Variants in GPI observed in about 807,000 individuals in gnomAD.
GPI encodes D-hexose-6-phosphate anomerase.
GPI carries 56 observed loss-of-function variants against 75.8 expected under a neutral mutation model. The observed-to-expected ratio is 0.74, with a 90% CI of 0.60 to 0.92. The LOEUF is 0.92. Ranked by LOEUF, GPI falls within the 40% of genes least tolerant of loss-of-function variation. GPI has a pLI of 0.00. For synonymous variants in GPI, 288 were observed against 285.4 expected (o/e 1.01, Z -0.09); for missense variants, 638 against 741.0 (o/e 0.86, Z 1.61).
At chr19:34,392,838 AGG>A (rs2074884043) in intron 9 of GPI, 1 of 216,516 alleles carries the variant, frequency 4.6e-6, no homozygotes, top group African/African-American at 6.4e-5. Flanking sequence ...TCCGTGTCTG[AGG>A]AGGTGGGCCC....
At chr19:34,389,147 A>G (rs2074784549) in intron 9 of GPI, among the ~76,000 whole-genome samples, 1 of 152,106 alleles carries the variant, frequency 6.6e-6, no homozygotes, top group African/African-American at 2.4e-5. Context: ...GTGAGAGCCT[A>G]TGTCAAGCAT....
chr19:34,393,181 T>C lies in GPI; in HGVS notation c.805-67T>C. ...CCCCTGTGCAAGACCAGGGACAGGG[T>C]TTCCGGCAGGAGGTGGGGGGCGGGG... On this transcript the variant is annotated intron_variant, in intron 9 of 17. Transcript: ENST00000356487. The surrounding 1 kb of genome is among the most constrained non-coding windows in gnomAD (Gnocchi z 4.4). 7.9e-7 allele frequency: 1 copy of C among 1,270,262 alleles called. No individual in the cohort carries two copies. Among genetic ancestry groups the C allele is most frequent in the Non-Finnish European group, 1.2e-6 (1 of 867,220 alleles). 78.7% of individuals were successfully genotyped at this position (1,270,262 alleles called of 1,614,324 possible). A position where few individuals can be genotyped will look rare whatever the true frequency, so the allele number is the denominator to read the frequency against.
chr19:34,391,038 A>C (rs1011902353), intron 9 of GPI, among the ~76,000 whole-genome samples: 3 of 149,932 alleles, frequency 2.0e-5, no homozygotes, highest in African/African-American at 7.4e-5. Context: ...TCCATGTCTG[A>C]GGAGGTAGCA....
chr19:34,392,839 G>A (rs573759263), intron 9 of GPI: 13,303 of 265,646 alleles, frequency 0.05, 450 homozygotes, highest in Admixed American at 0.16. Context: ...CCGTGTCTGA[G>A]GAGGTGGGCC....
intron 9 of GPI, among the ~76,000 whole-genome samples, chr19:34,384,223 CCAGA>C (rs900626640): frequency 6.1e-4 from 93 of 152,148 alleles, no homozygotes; most frequent in African/African-American, 2.2e-3. Context: ...TGGGAAGAGA[CCAGA>C]CAAAGGGATG....
intron 5 of GPI, 62 bp downstream of exon 5, chr19:34,377,648 C>G (rs1281154725): frequency 1.3e-6 from 2 of 1,585,784 alleles, no homozygotes; most frequent in Non-Finnish European, 1.7e-6. Context: ...CCACTCAGGT[C>G]TTTACTTTCT....
chr19:34,381,594 G>A, intron 9 of GPI, 75 bp downstream of exon 9: 2 of 985,274 alleles, frequency 2.0e-6, no homozygotes, highest in Non-Finnish European at 3.3e-6. Flanking sequence ...GGCCCATGAG[G>A]TCAGGTCAGT....
At position 34,393,971 on chromosome 19, in the gene GPI, C is replaced by A. The variant is rs2074907166; in HGVS notation, c.967C>A (p.Leu323Met). 1 of 1,613,504 alleles carries A rather than the reference C, an allele frequency of 6.2e-7. No homozygotes were observed. The highest frequency in any genetic ancestry group is 2.2e-5 in the East Asian group (1 of 44,874). ...EKNAPVLLAL[L>M]GIWYINCFGC... ...GAACGCCCCCGTCTTGCTGGCCCTG[C>A]TGGGTATCTGGTACATCAACTGCTT... The change falls in exon 12 of 18, where the codon CTG becomes ATG. Residue 323 changes from leucine to methionine, a missense_variant. Physicochemically the swap from Leu to Met is conservative, Grantham distance 15 (BLOSUM62 2). Transcript: ENST00000356487. This position sits in a 1 kb window ranked among gnomAD's most constrained non-coding sequence, Gnocchi z 4.4.
In GPI at chr19:34,393,889, C is replaced by T; in HGVS notation, c.910-25C>T. The T allele has an allele frequency of 6.2e-7, 1 of 1,613,156 alleles. No individual in the cohort carries two copies. On this transcript the variant is annotated intron_variant, in intron 11 of 17. Transcript: ENST00000356487. This position sits in a 1 kb window ranked among gnomAD's most constrained non-coding sequence, Gnocchi z 4.4. The stretch of plus-strand genomic sequence containing the variant: ...CCCCTCCCCGTGCAGCTGCTCAGCT[C>T]CCACTCATCCTGCTCCTGTTTCAGG...
intron 9 of GPI, among the ~76,000 whole-genome samples, chr19:34,389,521 T>C (rs1319841980): frequency 6.6e-6 from 1 of 152,168 alleles, no homozygotes; most frequent in Non-Finnish European, 1.5e-5. Flanking sequence ...CTGGATGTAA[T>C]AAGTGGGCAC....
rs562189209 is a variant in GPI at position 34,388,426 on chromosome 19, G to T, written c.805-4822G>T. On this transcript the variant is annotated intron_variant, in intron 9 of 17. Coordinates refer to ENST00000356487, the MANE Select transcript of GPI (RefSeq NM_000175.5). Reference sequence around the variant, plus strand: ...GCAGGCAGAGGTTGCAGTGAGCTGAGATCATGCCACTACACTCAGGCCTGG... The same window carrying T: ...GCAGGCAGAGGTTGCAGTGAGCTGATATCATGCCACTACACTCAGGCCTGG... 2.6e-5 allele frequency among the ~76,000 whole-genome samples: 4 copies of T among 152,238 alleles called. No homozygotes were observed. The South Asian group carries it at 8.3e-4, about 32-fold the overall frequency.
chr19:34,362,289 A>G (rs1056382505), upstream of GPI, among the ~76,000 whole-genome samples: 2 of 152,154 alleles, frequency 1.3e-5, no homozygotes, highest in South Asian at 4.1e-4. Context: ...GGGCAACAAG[A>G]GTGAAACTTC....
chr19:34,375,840 T>G (rs1446845774), intron 4 of GPI, among the ~76,000 whole-genome samples: 1 of 152,134 alleles, frequency 6.6e-6, no homozygotes, highest in Non-Finnish European at 1.5e-5. Context: ...GGTGCATAGG[T>G]CACCCCTCCC....
upstream of GPI, among the ~76,000 whole-genome samples, chr19:34,360,383 A>G (rs2074294989): frequency 6.6e-6 from 1 of 152,182 alleles, no homozygotes; most frequent in Non-Finnish European, 1.5e-5. Context: ...TCTTGAAGCC[A>G]GGAATTTGAG....
chr19:34,399,796 C>T lies in GPI; in HGVS notation c.1541+11C>T, dbSNP rs747128535. 3 of 1,613,736 alleles carry T rather than the reference C, an allele frequency of 1.9e-6. No homozygotes were observed. Among genetic ancestry groups the T allele is most frequent in the East Asian group, 2.2e-5 (1 of 44,872 alleles). ...CTTTGACCAGTGGGGGTGAGTTGCTCACTTAGGGGAGGGCCGGGAATACCT... is the reference window on the plus strand; with the variant it reads ...CTTTGACCAGTGGGGGTGAGTTGCTTACTTAGGGGAGGGCCGGGAATACCT... On this transcript the variant is annotated intron_variant, in intron 17 of 17. Transcript: ENST00000356487.
At chr19:34,371,936 CT>C (rs962553802) in intron 4 of GPI, among the ~76,000 whole-genome samples, 162 of 141,890 alleles carry the variant, frequency 1.1e-3, no homozygotes, top group Middle Eastern at 3.5e-3. Context: ...AGGAGACTTG[CT>C]TTTTTTTTTT....
intron 4 of GPI, among the ~76,000 whole-genome samples, chr19:34,377,030 C>T (rs1279260401): frequency 2.0e-5 from 3 of 150,882 alleles, no homozygotes; most frequent in East Asian, 1.9e-4. Context: ...TAGCTGGGTG[C>T]GGTGGCTCAA....
rs1322331137 is a variant in GPI, at chr19:34,400,655, C to A, written c.*619C>A. The A allele has an allele frequency of 2.5e-6, 1 of 406,470 alleles. No homozygotes were observed. The highest frequency in any genetic ancestry group is 4.3e-6 in the Non-Finnish European group (1 of 230,384). 25.2% of individuals were successfully genotyped at this position (406,470 alleles called of 1,614,324 possible). On this transcript the variant is annotated 3_prime_UTR_variant, in exon 18 of 18. Coordinates refer to ENST00000356487, the MANE Select transcript of GPI (RefSeq NM_000175.5). Reference sequence around the variant, plus strand: ...TGTTTGTTTCGGGTGAATTCCTGGACAAGACCGAGGATGACTGCCATCTCC... The same window carrying A: ...TGTTTGTTTCGGGTGAATTCCTGGAAAAGACCGAGGATGACTGCCATCTCC...
At chr19:34,379,584 T>C (rs1178818437) in intron 8 of GPI, 22 bp downstream of exon 8, 40 of 1,601,720 alleles carry the variant, frequency 2.5e-5, no homozygotes, top group Non-Finnish European at 3.2e-5. Context: ...CGTGGTCCCC[T>C]GTACTGCCTT....
Sources: gnomAD v4.1 joint callset for allele counts (sites outside exome capture counted in the v4.1 genomes callset) on GRCh38, gnomAD v4.1.1 for gene constraint, Gnocchi (gnomAD v3.1) non-coding constraint, MANE v1.5 for transcripts, NCBI Gene and HGNC (gene_info 2026-07-23, HGNC 2026-07-21) for gene names.